MACROD2: variants seen among roughly 807,000 people sequenced by gnomAD.
MACROD2 encodes mono-ADP ribosylhydrolase 2, also known as ADP-ribose glycohydrolase MACROD2.
In MACROD2, 36 loss-of-function variants were observed where a neutral mutation model predicts 70.4. The ratio of observed to expected loss-of-function variants is 0.51; its 90% confidence interval spans 0.39 to 0.68. MACROD2 has a LOEUF of 0.68. MACROD2 is among the 30% of genes least tolerant of loss of function. The pLI is 0.00. For synonymous variants in MACROD2, 172 were observed against 178.8 expected, an observed-to-expected ratio of 0.96 and a Z score of 0.30; for missense variants, 496 against 538.4, an observed-to-expected ratio of 0.92 and a Z score of 0.78.
chr20:15,864,703 T>C (rs981983138), intron 9 of MACROD2, among the ~76,000 whole-genome samples: 1 of 152,110 alleles, frequency 6.6e-6, no homozygotes, highest in East Asian at 1.9e-4. Context: ...CTACTTTAAA[T>C]ACATTTTAAA....
chr20:14,682,174 AG>A (rs558466676), intron 4 of MACROD2, among the ~76,000 whole-genome samples: 74 of 152,146 alleles, frequency 4.9e-4, no homozygotes, highest in Non-Finnish European at 9.0e-4. Context: ...AATATTTGAC[AG>A]CATATGATTA....
chr20:15,249,492 G>T (rs945604568), intron 6 of MACROD2, among the ~76,000 whole-genome samples: 5 of 152,168 alleles, frequency 3.3e-5, no homozygotes, highest in Non-Finnish European at 7.3e-5. Context: ...GATCTTAGAG[G>T]CTCCTCAGAG....
At chr20:15,854,296 C>A (rs756771293) in intron 8 of MACROD2, among the ~76,000 whole-genome samples, 1 of 152,054 alleles carries the variant, frequency 6.6e-6, no homozygotes, top group African/African-American at 2.4e-5. Flanking sequence ...AGAAAAAGAG[C>A]GCTCGTGTCC....
chr20:15,810,715 C>T (rs1336273473), intron 8 of MACROD2, among the ~76,000 whole-genome samples: 2 of 152,216 alleles, frequency 1.3e-5, no homozygotes, highest in Non-Finnish European at 2.9e-5. Context: ...ACCAAAACAG[C>T]ATGGTACTGG....
intron 8 of MACROD2, among the ~76,000 whole-genome samples, chr20:15,805,283 A>G (rs147000803): frequency 4.6e-5 from 7 of 152,182 alleles, no homozygotes; most frequent in Non-Finnish European, 1.0e-4. Flanking sequence ...TCTGAACAAG[A>G]GAAGGGCGTG....
intron 4 of MACROD2, among the ~76,000 whole-genome samples, chr20:14,559,086 GAAGA>G (rs1409419708): frequency 6.6e-6 from 1 of 151,660 alleles, no homozygotes; most frequent in Non-Finnish European, 1.5e-5. Context: ...AAATGAATGA[GAAGA>G]TCTCTACCTA....
At chr20:16,042,651 C>G (rs182024814) in intron 16 of MACROD2, among the ~76,000 whole-genome samples, 1 of 152,002 alleles carries the variant, frequency 6.6e-6, no homozygotes, top group African/African-American at 2.4e-5. Context: ...AAGGAATACT[C>G]TCCTGTATTT....
In MACROD2 at chr20:15,120,287, T is replaced by C. The variant is rs79293110; in HGVS notation, c.419-109653T>C. Among the ~76,000 whole-genome samples, 7 of 152,128 alleles carry C rather than the reference T, an allele frequency of 4.6e-5. No homozygotes were observed. The East Asian group carries it at 1.2e-3, about 25-fold the overall frequency. On this transcript the variant is annotated intron_variant, in intron 5 of 17. Coordinates refer to ENST00000684519, the MANE Select transcript of MACROD2 (RefSeq NM_001351661.2). ...GTGTGTGTGTGTGTGTGTGCATTCA[T>C]GCATGTGTGCATGTCTGTGCATATG...
intron 2 of MACROD2, among the ~76,000 whole-genome samples, chr20:14,005,200 C>G (rs1419064656): frequency 2.0e-5 from 3 of 152,038 alleles, no homozygotes; most frequent in Non-Finnish European, 4.4e-5. Flanking sequence ...TTTATTTTGA[C>G]TTACCCCTTT....
chr20:15,003,709 A>G lies in MACROD2; in HGVS notation c.419-226231A>G, dbSNP rs909242338. ...ATAATAGGCCTTGCCCCCAAACTCA[A>G]ACACTTTTATAAAGCTAATGTAAGG... is the stretch of plus-strand genomic sequence containing the variant. On this transcript the variant is annotated intron_variant, in intron 5 of 17. Transcript: ENST00000684519. Among the ~76,000 whole-genome samples the G allele has an allele frequency of 5.3e-5, 8 of 152,264 alleles. No individual in the cohort carries two copies. In the East Asian group the frequency reaches 1.2e-3, roughly 22 times the overall value.
intron 6 of MACROD2, among the ~76,000 whole-genome samples, chr20:15,402,804 T>A (rs1251868999): frequency 6.6e-6 from 1 of 152,246 alleles, no homozygotes; most frequent in Non-Finnish European, 1.5e-5. Context: ...TAAGGCCTTC[T>A]GCTTTAATTA....
intron 12 of MACROD2, among the ~76,000 whole-genome samples, chr20:15,947,729 T>C (rs1040091159): frequency 6.6e-6 from 1 of 152,190 alleles, no homozygotes; most frequent in African/African-American, 2.4e-5. Flanking sequence ...AAATGGTGTG[T>C]ACATAACAGT....
intron 6 of MACROD2, among the ~76,000 whole-genome samples, chr20:15,246,595 A>G (rs1248577119): frequency 1.3e-5 from 2 of 152,182 alleles, no homozygotes; most frequent in African/African-American, 4.8e-5. Flanking sequence ...GGATATTAAA[A>G]ATTTGAAACT....
At chr20:15,350,009 T>G (rs535287930) in intron 6 of MACROD2, among the ~76,000 whole-genome samples, 11 of 152,138 alleles carry the variant, frequency 7.2e-5, no homozygotes, top group Non-Finnish European at 1.5e-4. Context: ...TGGGACCTCC[T>G]TGTCCATAAA....
At chr20:14,757,204 A>G (rs1000598368) in intron 5 of MACROD2, among the ~76,000 whole-genome samples, 3 of 152,202 alleles carry the variant, frequency 2.0e-5, no homozygotes, top group Non-Finnish European at 2.9e-5. Context: ...TAATAGAAAT[A>G]AAGAAGTAAT....
At chr20:14,383,243 C>G (rs1472878974) in intron 3 of MACROD2, among the ~76,000 whole-genome samples, 3 of 152,178 alleles carry the variant, frequency 2.0e-5, no homozygotes, top group Non-Finnish European at 4.4e-5. Context: ...TAGAAGCAAT[C>G]TCTACATCTC....
chr20:15,502,829 CTGTT>C (rs2047381233), intron 8 of MACROD2, among the ~76,000 whole-genome samples: 1 of 152,198 alleles, frequency 6.6e-6, no homozygotes, highest in African/African-American at 2.4e-5. Flanking sequence ...CTTGCTCACA[CTGTT>C]TGTACGTCTT....
chr20:15,812,215 A>T (rs1325266041), intron 8 of MACROD2, among the ~76,000 whole-genome samples: 2 of 152,182 alleles, frequency 1.3e-5, no homozygotes, highest in Non-Finnish European at 2.9e-5. Context: ...AATGCCTTAT[A>T]CAAGGTGGGC....
At chr20:14,267,590 G>C (rs1463817766) in intron 3 of MACROD2, among the ~76,000 whole-genome samples, 2 of 152,004 alleles carry the variant, frequency 1.3e-5, no homozygotes, top group Non-Finnish European at 2.9e-5. Context: ...ATTCAAACCA[G>C]GGCAATAAGC....
Sources: allele counts gnomAD v4.1 joint callset (sites outside exome capture counted in the v4.1 genomes callset), GRCh38; gene constraint gnomAD v4.1.1; transcripts MANE v1.5; gene names NCBI Gene and HGNC (gene_info 2026-07-23, HGNC 2026-07-21).